Variants in DOK6 observed in about 807,000 individuals in gnomAD.
The protein encoded by DOK6 is downstream of tyrosine kinase 6.
DOK6 carries 22 observed loss-of-function variants against 44.0 expected under a neutral mutation model. The ratio of observed to expected loss-of-function variants is 0.50; its 90% CI spans 0.36 to 0.71. The LOEUF (loss-of-function observed/expected upper bound fraction) is 0.71, where lower values mean the gene tolerates loss of function less well. DOK6 is among the 30% of genes least tolerant of loss of function. The probability of loss-of-function intolerance (pLI) is 0.00; values close to 1 mark genes in which losing one functional copy is unlikely to be tolerated. For missense variants in DOK6, 340 were observed against 416.4 expected, an observed-to-expected ratio of 0.82 and a Z score of 1.60; for synonymous variants, 166 against 145.5, an observed-to-expected ratio of 1.14 and a Z score of -1.01.
chr18:69,514,837 A>T (rs535458584), intron 1 of DOK6, among the ~76,000 whole-genome samples: 1 of 93,064 alleles, frequency 1.1e-5, no homozygotes, highest in East Asian at 2.2e-4. Flanking sequence ...CTCTCCATAT[A>T]TATTTTTTTT....
chr18:69,727,019 T>C (rs527332026), intron 5 of DOK6, among the ~76,000 whole-genome samples: 61 of 152,196 alleles, frequency 4.0e-4, no homozygotes, highest in African/African-American at 1.4e-3. Context: ...CATGCCTGGC[T>C]AAGTTTTTTT....
intron 7 of DOK6, among the ~76,000 whole-genome samples, chr18:69,819,281 C>G (rs1194644154): frequency 1.3e-5 from 2 of 152,000 alleles, no homozygotes; most frequent in African/African-American, 4.8e-5. Flanking sequence ...AGTATGCATA[C>G]AATCAAGAAA....
chr18:69,792,059 T>A (rs1212569391), intron 7 of DOK6, among the ~76,000 whole-genome samples: 1 of 152,238 alleles, frequency 6.6e-6, no homozygotes, highest in African/African-American at 2.4e-5. Flanking sequence ...ATGAATTCAC[T>A]GTAGATGTAT....
At chr18:69,803,444 A>G (rs1031531094) in intron 7 of DOK6, among the ~76,000 whole-genome samples, 1 of 152,214 alleles carries the variant, frequency 6.6e-6, no homozygotes, top group Admixed American at 6.6e-5. Flanking sequence ...CAAATGCAAG[A>G]AAACTGTATA....
chr18:69,764,590 G>A (rs939090769), intron 7 of DOK6, among the ~76,000 whole-genome samples: 2 of 152,080 alleles, frequency 1.3e-5, no homozygotes, highest in African/African-American at 2.4e-5. Flanking sequence ...CCTTCCGCCG[G>A]GATTGTAAGT....
intron 1 of DOK6, among the ~76,000 whole-genome samples, chr18:69,524,013 T>A (rs1981760419): frequency 6.6e-6 from 1 of 152,056 alleles, no homozygotes; most frequent in Non-Finnish European, 1.5e-5. Flanking sequence ...TTTTCAGCAA[T>A]TGGATAGTGA....
At chr18:69,530,130 T>A (rs558383494) in intron 1 of DOK6, among the ~76,000 whole-genome samples, 1 of 152,292 alleles carries the variant, frequency 6.6e-6, no homozygotes, top group Admixed American at 6.5e-5. Context: ...ACTAAACTGA[T>A]GCCCAAAAGG....
At chr18:69,701,883 T>C (rs1408451424) in intron 5 of DOK6, among the ~76,000 whole-genome samples, 2 of 152,212 alleles carry the variant, frequency 1.3e-5, no homozygotes, top group African/African-American at 2.4e-5. Flanking sequence ...GCTTAATTTA[T>C]TCCTAAACCT....
At chr18:69,772,109 A>G (rs1389100662) in intron 7 of DOK6, among the ~76,000 whole-genome samples, 3 of 151,820 alleles carry the variant, frequency 2.0e-5, no homozygotes, top group Non-Finnish European at 4.4e-5. Flanking sequence ...GTTCCATACT[A>G]CAATGAGCTA....
chr18:69,497,190 A>G (rs1183707731), intron 1 of DOK6, among the ~76,000 whole-genome samples: 1 of 152,254 alleles, frequency 6.6e-6, no homozygotes, highest in Non-Finnish European at 1.5e-5. Flanking sequence ...CTGGAAAGCT[A>G]CGCATAAGAT....
At chr18:69,528,320 T>C (rs974423751) in intron 1 of DOK6, among the ~76,000 whole-genome samples, 5 of 152,246 alleles carry the variant, frequency 3.3e-5, no homozygotes, top group African/African-American at 1.2e-4. Context: ...ATAACGGTTA[T>C]ATTCTCTAAT....
At chr18:69,789,895 G>A (rs1418135781) in intron 7 of DOK6, among the ~76,000 whole-genome samples, 1 of 152,120 alleles carries the variant, frequency 6.6e-6, no homozygotes, top group Non-Finnish European at 1.5e-5. Flanking sequence ...CACATTAGGG[G>A]AGGCTGCAGT....
intron 5 of DOK6, among the ~76,000 whole-genome samples, chr18:69,733,920 T>C (rs1036761478): frequency 2.6e-5 from 4 of 152,156 alleles, no homozygotes; most frequent in Admixed American, 2.6e-4. Flanking sequence ...TTTCAATCTT[T>C]TTGTTTTTGT....
chr18:69,826,583 T>G (rs1981748225), intron 7 of DOK6, among the ~76,000 whole-genome samples: 1 of 152,174 alleles, frequency 6.6e-6, no homozygotes, highest in East Asian at 1.9e-4. Flanking sequence ...AGAAAATTCC[T>G]TCTTTCTCCT....
intron 1 of DOK6, among the ~76,000 whole-genome samples, chr18:69,552,247 A>C (rs1982584076): frequency 6.6e-6 from 1 of 152,154 alleles, no homozygotes; most frequent in Non-Finnish European, 1.5e-5. Context: ...GTTTTGGAAA[A>C]ATAAATCTCC....
At chr18:69,561,484 A>G (rs1982830614) in intron 1 of DOK6, among the ~76,000 whole-genome samples, 1 of 152,180 alleles carries the variant, frequency 6.6e-6, no homozygotes, top group Non-Finnish European at 1.5e-5. Flanking sequence ...GTTTTTTTAA[A>G]TACATTTCAC....
intron 5 of DOK6, among the ~76,000 whole-genome samples, chr18:69,719,220 A>G (rs1791255687): frequency 6.6e-6 from 1 of 151,330 alleles, no homozygotes; most frequent in South Asian, 2.1e-4. Context: ...TTTGGAGGGC[A>G]GGGGGCTAGG....
intron 1 of DOK6, among the ~76,000 whole-genome samples, chr18:69,542,923 G>C (rs972507763): frequency 5.3e-5 from 8 of 151,400 alleles, no homozygotes; most frequent in African/African-American, 1.9e-4. Flanking sequence ...TTTTACTTTT[G>C]ATTTTAAAAC....
chr18:69,644,816 G>T (rs1397472504), intron 3 of DOK6, among the ~76,000 whole-genome samples: 1 of 152,180 alleles, frequency 6.6e-6, no homozygotes, highest in Non-Finnish European at 1.5e-5. Flanking sequence ...CAGCTGCCAG[G>T]ATTTATGAAA....
Sources: gnomAD v4.1 joint callset for allele counts (sites outside exome capture counted in the v4.1 genomes callset) on GRCh38, gnomAD v4.1.1 for gene constraint, MANE v1.5 for transcripts, NCBI Gene and HGNC (gene_info 2026-07-23, HGNC 2026-07-21) for gene names.